ADAMTS18: variants seen among roughly 807,000 people sequenced by gnomAD.
ADAMTS18 encodes the protein A disintegrin and metalloproteinase with thrombospondin motifs 18.
A neutral mutation model predicts 165.9 loss-of-function variants in ADAMTS18; 157 were observed. The ratio of observed to expected loss-of-function variants is 0.95; its 90% confidence interval spans 0.83 to 1.08. ADAMTS18 has a LOEUF of 1.08. Among genes scored for constraint, ADAMTS18 ranks in the 50% least tolerant of loss-of-function variants. The probability of loss-of-function intolerance (pLI) is 0.00; values close to 1 mark genes in which losing one functional copy is unlikely to be tolerated. For missense variants in ADAMTS18, 2,040 were observed against 1,534.0 expected, an observed-to-expected ratio of 1.33 and a Z score of -5.51; for synonymous variants, 782 against 578.2, an observed-to-expected ratio of 1.35 and a Z score of -5.06.
At position 77,435,032 on chromosome 16, in the gene ADAMTS18, T is replaced by A. The variant is rs1179359805; in HGVS notation, c.-337A>T. 1 of 195,264 alleles carries A rather than the reference T, an allele frequency of 5.1e-6. No homozygotes were observed. The highest frequency in any genetic ancestry group is 2.3e-5 in the African/African-American group (1 of 42,996). The allele number at this position is 195,264 out of a possible 1,614,324, so 12.1% of individuals were successfully genotyped here. On this transcript the variant is annotated 5_prime_UTR_variant, in exon 1 of 23. Transcript: ENST00000282849. ...GCGTCTGTCTGTGTCGGTGTGAGCGTCTGAGGCGATGGGGAAGACAGCGCC... is the reference window on the plus strand; with the variant it reads ...GCGTCTGTCTGTGTCGGTGTGAGCGACTGAGGCGATGGGGAAGACAGCGCC...
chr16:77,424,173 A>AAGGC (rs112229694), intron 3 of ADAMTS18, among the ~76,000 whole-genome samples: 5,157 of 152,036 alleles, frequency 0.034, 156 homozygotes, highest in African/African-American at 0.077. Flanking sequence ...CATACCCGAA[A>AAGGC]AGGCAGGCAG....
chr16:77,367,449 C>A lies in ADAMTS18; in HGVS notation c.770G>T (p.Arg257Leu). 3 of 1,614,162 alleles carry A rather than the reference C, an allele frequency of 1.9e-6. No individual in the cohort carries two copies. Among genetic ancestry groups the A allele is most frequent in the Non-Finnish European group, 2.5e-6 (3 of 1,180,030 alleles). Residue 257 changes from arginine (R) to leucine (L), a missense_variant, in exon 4 of 23, where the codon CGC (arginine) becomes CTC (leucine). Coordinates refer to ENST00000282849, the MANE Select transcript of ADAMTS18 (RefSeq NM_199355.4). ...AAAGTTTCCTTACATACATTTCTTG[C>A]GTCGTCCACAAAAATGCTGCTTTTG... ...RLQKQHFCGR[R>L]KKYAPKPPTE... is the part of the protein sequence containing the mutation.
chr16:77,389,458 G>C (rs552339209), intron 3 of ADAMTS18, among the ~76,000 whole-genome samples: 1 of 152,170 alleles, frequency 6.6e-6, no homozygotes, highest in Non-Finnish European at 1.5e-5. Flanking sequence ...GACAGTGTGT[G>C]TCTGTCAGGT....
intron 16 of ADAMTS18, among the ~76,000 whole-genome samples, chr16:77,314,624 AAT>A (rs1491221507): frequency 1.8e-4 from 12 of 67,374 alleles, no homozygotes; most frequent in South Asian, 8.7e-4. Context: ...AAAAAAAAAA[AAT>A]GTGTGTGTAT....
chr16:77,314,324 T>C (rs999802073), intron 16 of ADAMTS18, among the ~76,000 whole-genome samples: 5 of 152,184 alleles, frequency 3.3e-5, no homozygotes, highest in South Asian at 2.1e-4. Context: ...TTTAATATTA[T>C]ACATGGCTGG....
chr16:77,342,875 G>T (rs1490586369), intron 10 of ADAMTS18, among the ~76,000 whole-genome samples: 2 of 152,100 alleles, frequency 1.3e-5, no homozygotes, highest in Non-Finnish European at 2.9e-5. Context: ...TCCTTATATG[G>T]GAAAGAGGAG....
At chr16:77,368,910 G>C (rs557496183) in intron 3 of ADAMTS18, among the ~76,000 whole-genome samples, 1 of 152,214 alleles carries the variant, frequency 6.6e-6, no homozygotes, top group African/African-American at 2.4e-5. Context: ...CATTTACCAA[G>C]TTGATGGCAC....
chr16:77,296,076 G>A (rs1218994681), intron 18 of ADAMTS18, among the ~76,000 whole-genome samples: 5 of 151,710 alleles, frequency 3.3e-5, no homozygotes, highest in South Asian at 2.1e-4. Flanking sequence ...TGTGTAATAC[G>A]ATTGCATCAC....
intron 11 of ADAMTS18, among the ~76,000 whole-genome samples, chr16:77,336,654 G>T (rs1032539370): frequency 6.6e-6 from 1 of 152,150 alleles, no homozygotes; most frequent in African/African-American, 2.4e-5. Flanking sequence ...CAAGCTAGAT[G>T]GAGAGCTTTT....
intron 21 of ADAMTS18, 39 bp from the exon 22 acceptor site, chr16:77,289,450 A>T (rs759451748): frequency 2.1e-5 from 34 of 1,609,904 alleles, no homozygotes; most frequent in Non-Finnish European, 2.8e-5. Flanking sequence ...GAAACACTCT[A>T]CTGAGGTCAG....
At chr16:77,362,895 C>G (rs1348688017) in intron 6 of ADAMTS18, among the ~76,000 whole-genome samples, 2 of 152,152 alleles carry the variant, frequency 1.3e-5, no homozygotes, top group African/African-American at 4.8e-5. Flanking sequence ...CTTGGGCAAC[C>G]TATTAGTAGG....
chr16:77,433,818 A>G (rs1197834164), intron 2 of ADAMTS18, among the ~76,000 whole-genome samples: 1 of 152,224 alleles, frequency 6.6e-6, no homozygotes, highest in African/African-American at 2.4e-5. Flanking sequence ...AATAAATGTC[A>G]GAAGTGAGGG....
intron 3 of ADAMTS18, among the ~76,000 whole-genome samples, chr16:77,424,841 C>A (rs1049314656): frequency 6.6e-6 from 1 of 152,136 alleles, no homozygotes; most frequent in Non-Finnish European, 1.5e-5. Flanking sequence ...CTCAAGTGAC[C>A]GAAAAGCTCC....
chr16:77,358,054 T>A (rs78594562), intron 8 of ADAMTS18, among the ~76,000 whole-genome samples: 2 of 152,254 alleles, frequency 1.3e-5, no homozygotes, highest in African/African-American at 4.8e-5. Context: ...ACATTTGATA[T>A]GCACACATAT....
chr16:77,353,088 A>G (rs961126503), intron 10 of ADAMTS18, among the ~76,000 whole-genome samples: 4 of 147,012 alleles, frequency 2.7e-5, no homozygotes, highest in African/African-American at 1.1e-4. Flanking sequence ...TCAAAACAAC[A>G]ACAACGACAA....
At chr16:77,328,564 G>T (rs1018517518) in intron 12 of ADAMTS18, among the ~76,000 whole-genome samples, 1 of 152,258 alleles carries the variant, frequency 6.6e-6, no homozygotes, top group African/African-American at 2.4e-5. Flanking sequence ...ACTTAAACAT[G>T]CTGCAGCCAT....
At chr16:77,401,826 G>A (rs1305527677) in intron 3 of ADAMTS18, among the ~76,000 whole-genome samples, 1 of 152,114 alleles carries the variant, frequency 6.6e-6, no homozygotes, top group Non-Finnish European at 1.5e-5. Flanking sequence ...CTCTTTTCTT[G>A]AGCAAGGATA....
chr16:77,403,288 A>G (rs935590678), intron 3 of ADAMTS18, among the ~76,000 whole-genome samples: 10 of 152,350 alleles, frequency 6.6e-5, no homozygotes, highest in African/African-American at 2.2e-4. Context: ...AATAACGACC[A>G]GCACTTATTG....
At chr16:77,288,089 C>A (rs1389861338) in intron 22 of ADAMTS18, among the ~76,000 whole-genome samples, 1 of 152,092 alleles carries the variant, frequency 6.6e-6, no homozygotes, top group African/African-American at 2.4e-5. Flanking sequence ...TATTGAGTAC[C>A]TGTTGCGTGC....
Sources: allele counts gnomAD v4.1 joint callset (sites outside exome capture counted in the v4.1 genomes callset), GRCh38; gene constraint gnomAD v4.1.1; transcripts MANE v1.5; gene names NCBI Gene and HGNC (gene_info 2026-07-23, HGNC 2026-07-21).